Variants in NUMB observed in about 807,000 individuals in gnomAD.
NUMB encodes protein numb homolog.
A neutral mutation model predicts 59.7 loss-of-function variants in NUMB; 29 were observed. The observed-to-expected ratio is 0.49, with a 90% CI of 0.36 to 0.66. The LOEUF is 0.66. NUMB is among the 30% of genes least tolerant of loss of function. NUMB has a pLI of 0.00. For synonymous variants in NUMB, 288 were observed against 288.2 expected, an observed-to-expected ratio of 1.00 and a Z score of 0.01; for missense variants, 723 against 822.0, an observed-to-expected ratio of 0.88 and a Z score of 1.47.
intron 11 of NUMB, chr14:73,282,106 C>G (rs748724176): frequency 7.4e-6 from 3 of 403,434 alleles, no homozygotes; most frequent in Non-Finnish European, 1.3e-5. Context: ...TAGGTTGGGA[C>G]TACAGAAATT....
intron 8 of NUMB, among the ~76,000 whole-genome samples, chr14:73,288,411 TGTG>T (rs1384442670): frequency 6.6e-6 from 1 of 150,606 alleles, no homozygotes; most frequent in Admixed American, 6.6e-5. Flanking sequence ...ATTAGCCGGA[TGTG>T]GTGGCGGGTG....
At chr14:73,451,594 A>G (rs1368951564) in intron 1 of NUMB, among the ~76,000 whole-genome samples, 1 of 152,174 alleles carries the variant, frequency 6.6e-6, no homozygotes, top group Non-Finnish European at 1.5e-5. Flanking sequence ...CAGCCTGGGC[A>G]TCTTTAAATA....
At position 73,323,193 on chromosome 14, in the gene NUMB, A is replaced by G. The variant is rs1353325421; in HGVS notation, c.138T>C (p.His46=). The G allele has an allele frequency of 6.2e-7, 1 of 1,611,482 alleles. No homozygotes were observed. Among genetic ancestry groups the G allele is most frequent in the Non-Finnish European group, 8.5e-7 (1 of 1,177,696 alleles). ...TTCCTCTTGATTCATCAACTTCTAC[A>G]TGGCCAAGGTACTGTAGAAAGAAGG... ...KCSFPVKYLG[H]VEVDESRGMH... Residue 46 remains histidine, a synonymous_variant, in exon 5 of 13, where the codon CAT becomes CAC. Transcript: ENST00000555238.
At chr14:73,300,114 A>T (rs1372598368) in intron 6 of NUMB, among the ~76,000 whole-genome samples, 4 of 152,208 alleles carry the variant, frequency 2.6e-5, no homozygotes, top group Non-Finnish European at 5.9e-5. Flanking sequence ...AAAGAGTGAT[A>T]TACATTTTCA....
intron 1 of NUMB, among the ~76,000 whole-genome samples, chr14:73,411,377 A>G (rs1896888311): frequency 6.6e-6 from 1 of 152,110 alleles, no homozygotes; most frequent in Non-Finnish European, 1.5e-5. Context: ...AATAATAATG[A>G]TTGCAGATAC....
At chr14:73,332,719 A>AC (rs1313681569) in intron 4 of NUMB, among the ~76,000 whole-genome samples, 2 of 33,136 alleles carry the variant, frequency 6.0e-5, no homozygotes, top group African/African-American at 4.1e-4. Context: ...AATGTATTCA[A>AC]CCCCCCGATT....
At chr14:73,337,468 C>T (rs1383764048) in intron 4 of NUMB, among the ~76,000 whole-genome samples, 1 of 152,204 alleles carries the variant, frequency 6.6e-6, no homozygotes, top group African/African-American at 2.4e-5. Flanking sequence ...TGCCACTGCA[C>T]TCTAGCCTGG....
chr14:73,364,742 C>T (rs1260305129), intron 3 of NUMB, among the ~76,000 whole-genome samples: 1 of 152,108 alleles, frequency 6.6e-6, no homozygotes. Context: ...AATCCTTCCA[C>T]TTCAGCCTCC....
chr14:73,421,681 T>G (rs1897351718), intron 1 of NUMB, among the ~76,000 whole-genome samples: 1 of 152,126 alleles, frequency 6.6e-6, no homozygotes, highest in Non-Finnish European at 1.5e-5. Flanking sequence ...TAATAGGATT[T>G]TCTAAAACAG....
chr14:73,352,457 CATACACACACACACACACACATATATAT>C (rs1265811485), intron 4 of NUMB, among the ~76,000 whole-genome samples: 13 of 19,072 alleles, frequency 6.8e-4, no homozygotes, highest in African/African-American at 1.7e-3. Context: ...CACACACACA[CATACACACACACACACACACATATATAT>C]ATATATATAT....
intron 1 of NUMB, among the ~76,000 whole-genome samples, chr14:73,427,722 T>C (rs1417013408): frequency 6.6e-6 from 1 of 152,150 alleles, no homozygotes; most frequent in Non-Finnish European, 1.5e-5. Flanking sequence ...CTCCATTTCC[T>C]GAATATGTAT....
intron 3 of NUMB, among the ~76,000 whole-genome samples, chr14:73,358,784 A>G (rs1176818370): frequency 6.6e-6 from 1 of 152,188 alleles, no homozygotes; most frequent in Non-Finnish European, 1.5e-5. Flanking sequence ...CCCTTGCATC[A>G]TAACACACTG....
chr14:73,421,939 G>A (rs10132642), intron 1 of NUMB, among the ~76,000 whole-genome samples: 13,420 of 152,046 alleles, frequency 0.088, 1,189 homozygotes, highest in African/African-American at 0.21. Context: ...AGGAGTTTGA[G>A]CCCAGCCTGG....
chr14:73,302,689 G>A (rs1890216869), intron 6 of NUMB, among the ~76,000 whole-genome samples: 2 of 151,972 alleles, frequency 1.3e-5, no homozygotes, highest in South Asian at 4.2e-4. Flanking sequence ...TGGGATTACA[G>A]GCATGAGCCA....
intron 4 of NUMB, among the ~76,000 whole-genome samples, chr14:73,353,216 C>CTGGGATTA (rs1003629748): frequency 6.6e-6 from 1 of 150,502 alleles, no homozygotes; most frequent in African/African-American, 2.4e-5. Flanking sequence ...TCCTGAGTAG[C>CTGGGATTA]TGGGATTACA....
At chr14:73,416,682 A>T (rs948502846) in intron 1 of NUMB, among the ~76,000 whole-genome samples, 4 of 152,128 alleles carry the variant, frequency 2.6e-5, no homozygotes, top group African/African-American at 9.7e-5. Flanking sequence ...ATCTACTAAA[A>T]ATACAAAAAT....
chr14:73,406,494 T>C (rs1024158917), intron 2 of NUMB, among the ~76,000 whole-genome samples: 34 of 152,182 alleles, frequency 2.2e-4, no homozygotes, highest in African/African-American at 7.7e-4. Context: ...CAGTCTATCA[T>C]TGATGGACAT....
rs1595036455 is a variant in NUMB, at chr14:73,435,432, C to G, written c.-233+23061G>C. ...GGGACTACAGGCGCCCGCCACCACG[C>G]CCAGCTAATTTTTTTGTATTTTGAG... On this transcript the variant is annotated intron_variant, in intron 1 of 12. Coordinates refer to ENST00000555238, the MANE Select transcript of NUMB (RefSeq NM_001005743.2). Among the ~76,000 whole-genome samples the G allele has an allele frequency of 5.3e-5, 8 of 151,850 alleles. No individual in the cohort carries two copies. The East Asian group carries it at 1.6e-3, about 30-fold the overall frequency.
intron 2 of NUMB, among the ~76,000 whole-genome samples, chr14:73,401,133 C>G (rs955259455): frequency 1.3e-5 from 2 of 152,114 alleles, no homozygotes; most frequent in African/African-American, 4.8e-5. Context: ...ATGTAGGATA[C>G]CCAGCTGGTG....
Sources: gnomAD v4.1 joint callset for allele counts (sites outside exome capture counted in the v4.1 genomes callset) on GRCh38, gnomAD v4.1.1 for gene constraint, MANE v1.5 for transcripts, NCBI Gene and HGNC (gene_info 2026-07-23, HGNC 2026-07-21) for gene names.